The following BMERB1 variants were observed in gnomAD, a reference collection of about 807,000 sequenced individuals.
BMERB1 encodes the protein bMERB domain-containing protein 1.
In BMERB1, 12 loss-of-function variants were observed where a neutral mutation model predicts 23.6. The ratio of observed to expected loss-of-function variants is 0.51; its 90% CI spans 0.33 to 0.82. The LOEUF is 0.82. Ranked by LOEUF, BMERB1 falls within the 40% of genes least tolerant of loss-of-function variation. The pLI is 0.03. For missense variants in BMERB1, 247 were observed against 255.4 expected (o/e 0.97, Z 0.22); for synonymous variants, 122 against 96.6 (o/e 1.26, Z -1.54).
chr16:15,449,918 A>T lies in BMERB1; in HGVS notation c.106+15159A>T, dbSNP rs220085. The stretch of plus-strand genomic sequence containing the variant: ...ATTTTTCTTTTTTGTTTTCTTTAAA[A>T]TTTTTTTTTTTTTGGTAGAGATGGG... On this transcript the variant is annotated intron_variant, in intron 1 of 5. Transcript: ENST00000300006. Among the ~76,000 whole-genome samples the T allele has an allele frequency of 1.7e-3, 256 of 146,642 alleles. 6 individuals carry two copies. In the East Asian group the frequency reaches 0.044, roughly 25 times the overall value.
intron 5 of BMERB1, 100 bp from the exon 6 acceptor site, chr16:15,586,617 T>G: frequency 1.1e-6 from 1 of 924,428 alleles, no homozygotes; most frequent in Non-Finnish European, 1.7e-6. Flanking sequence ...GGCCAGGGGT[T>G]GCAGTGGGGC....
At chr16:15,526,845 C>A (rs2051911467) in intron 2 of BMERB1, among the ~76,000 whole-genome samples, 1 of 149,602 alleles carries the variant, frequency 6.7e-6, no homozygotes, top group Admixed American at 6.7e-5. Flanking sequence ...CAGATTTTTA[C>A]TTAAGTAGGA....
intron 2 of BMERB1, among the ~76,000 whole-genome samples, chr16:15,537,619 G>T (rs2052037903): frequency 6.6e-6 from 1 of 151,780 alleles, no homozygotes; most frequent in African/African-American, 2.4e-5. Flanking sequence ...CTCCCAAAGT[G>T]CTGGGATTAC....
chr16:15,510,492 C>T (rs1409259751), intron 1 of BMERB1, among the ~76,000 whole-genome samples: 6 of 152,076 alleles, frequency 3.9e-5, no homozygotes, highest in South Asian at 2.1e-4. Flanking sequence ...ATATATTAAA[C>T]GTGACGTGCC....
chr16:15,440,944 G>A (rs1176988405), intron 1 of BMERB1, among the ~76,000 whole-genome samples: 1 of 152,172 alleles, frequency 6.6e-6, no homozygotes, highest in Non-Finnish European at 1.5e-5. Flanking sequence ...TGTTCAGGAA[G>A]CGCTTCTCTA....
chr16:15,584,731 G>T (rs1293915099), intron 5 of BMERB1, among the ~76,000 whole-genome samples: 1 of 152,074 alleles, frequency 6.6e-6, no homozygotes, highest in Non-Finnish European at 1.5e-5. Flanking sequence ...TTGCATGTAA[G>T]CATCATTTTT....
intron 2 of BMERB1, among the ~76,000 whole-genome samples, chr16:15,532,715 T>C (rs2051981713): frequency 6.6e-6 from 1 of 151,318 alleles, no homozygotes. Context: ...CCGGCTAATT[T>C]TTTGTATTTT....
intron 1 of BMERB1, among the ~76,000 whole-genome samples, chr16:15,513,014 C>T (rs1024826627): frequency 2.0e-5 from 3 of 151,824 alleles, no homozygotes; most frequent in African/African-American, 7.3e-5. Context: ...GGGTGGGCTC[C>T]ATCTTGGGGG....
chr16:15,541,898 G>A (rs1180145320), intron 2 of BMERB1, among the ~76,000 whole-genome samples: 1 of 139,064 alleles, frequency 7.2e-6, no homozygotes, highest in Non-Finnish European at 1.5e-5. Context: ...CACCATACCC[G>A]GCCTAAATTT....
chr16:15,583,690 C>T (rs2031072770), intron 5 of BMERB1, among the ~76,000 whole-genome samples: 2 of 151,916 alleles, frequency 1.3e-5, no homozygotes, highest in Admixed American at 1.3e-4. Flanking sequence ...CATGGGATGA[C>T]AGCAGGCAGG....
chr16:15,522,994 C>T (rs1042201144), intron 2 of BMERB1, among the ~76,000 whole-genome samples: 1 of 152,150 alleles, frequency 6.6e-6, no homozygotes, highest in Non-Finnish European at 1.5e-5. Flanking sequence ...CCAGAAGAAT[C>T]GGATCACACC....
At chr16:15,525,337 G>A (rs1374236211) in intron 2 of BMERB1, among the ~76,000 whole-genome samples, 1 of 152,032 alleles carries the variant, frequency 6.6e-6, no homozygotes, top group African/African-American at 2.4e-5. Flanking sequence ...AGCTCTCCTG[G>A]GTCTCCAGCT....
intron 1 of BMERB1, among the ~76,000 whole-genome samples, chr16:15,455,643 G>A (rs2051080459): frequency 6.6e-6 from 1 of 151,700 alleles, no homozygotes; most frequent in African/African-American, 2.4e-5. Flanking sequence ...TATTTTTTTA[G>A]TAGAGACAGG....
intron 2 of BMERB1, among the ~76,000 whole-genome samples, chr16:15,547,979 T>C (rs184317928): frequency 1.2e-4 from 19 of 152,272 alleles, no homozygotes; most frequent in Admixed American, 1.2e-3. Flanking sequence ...TCTTAGTGTA[T>C]AAAGCACTTA....
chr16:15,572,976 G>A (rs536780589), intron 3 of BMERB1, among the ~76,000 whole-genome samples: 7 of 152,162 alleles, frequency 4.6e-5, no homozygotes, highest in Non-Finnish European at 8.8e-5. Flanking sequence ...GCCTTCTGCC[G>A]TGATTGTGAG....
intron 1 of BMERB1, among the ~76,000 whole-genome samples, chr16:15,445,808 T>C (rs1231548262): frequency 6.6e-6 from 1 of 152,182 alleles, no homozygotes; most frequent in East Asian, 1.9e-4. Context: ...CAAGTGTCTC[T>C]ACAAATATTT....
At chr16:15,503,506 T>C (rs2051552703) in intron 1 of BMERB1, among the ~76,000 whole-genome samples, 1 of 149,352 alleles carries the variant, frequency 6.7e-6, no homozygotes. Flanking sequence ...CACCGTGTTA[T>C]CCAGGATGGT....
chr16:15,456,698 G>C (rs563852674), intron 1 of BMERB1, among the ~76,000 whole-genome samples: 1 of 152,208 alleles, frequency 6.6e-6, no homozygotes, highest in South Asian at 2.1e-4. Context: ...TCAGTGTCTG[G>C]TTATACCTTA....
At chr16:15,498,575 G>A (rs2051497033) in intron 1 of BMERB1, among the ~76,000 whole-genome samples, 1 of 147,100 alleles carries the variant, frequency 6.8e-6, no homozygotes. Context: ...AGGGGCAAAA[G>A]GAAATGGGAA....
Sources: gnomAD v4.1 joint callset for allele counts (sites outside exome capture counted in the v4.1 genomes callset) on GRCh38, gnomAD v4.1.1 for gene constraint, MANE v1.5 for transcripts, NCBI Gene and HGNC (gene_info 2026-07-23, HGNC 2026-07-21) for gene names.